Variants in AGAP1 observed in about 807,000 individuals in gnomAD.
The protein encoded by AGAP1 is arf-GAP with GTPase, ANK repeat and PH domain-containing protein 1.
AGAP1 carries 29 observed loss-of-function variants against 105.3 expected under a neutral mutation model. The observed-to-expected ratio is 0.28, with a 90% CI of 0.21 to 0.38. The LOEUF (loss-of-function observed/expected upper bound fraction) is 0.38. Ranked by LOEUF, AGAP1 falls within the 10% of genes least tolerant of loss-of-function variation. The probability of loss-of-function intolerance (pLI) is 1.00; values close to 1 mark genes in which losing one functional copy is unlikely to be tolerated. For synonymous variants in AGAP1, 509 were observed against 485.9 expected (o/e 1.05, Z -0.63); for missense variants, 998 against 1,165.1 (o/e 0.86, Z 2.09).
intron 6 of AGAP1, among the ~76,000 whole-genome samples, chr2:235,764,577 C>T (rs1357032539): frequency 6.6e-6 from 1 of 152,216 alleles, no homozygotes; most frequent in African/African-American, 2.4e-5. Flanking sequence ...AATTAAAACC[C>T]AAACATGTCT....
chr2:236,035,628 A>AG lies in AGAP1; in HGVS notation c.1646-933_1646-932insG, dbSNP rs895978770. Among the ~76,000 whole-genome samples the AG allele has an allele frequency of 6.6e-6, 1 of 152,136 alleles. No homozygotes were observed. The highest frequency in any genetic ancestry group is 2.4e-5 in the African/African-American group (1 of 41,432). On this transcript the variant is annotated intron_variant, in intron 13 of 17. Coordinates refer to ENST00000304032, the MANE Select transcript of AGAP1 (RefSeq NM_001037131.3). The surrounding 1 kb of genome is among the most constrained non-coding windows in gnomAD (Gnocchi z 4.2). Reference sequence around the variant, plus strand: ...AACAAAGTGGGACTCCATCTCAAAAACAGTTCTTCGTGGTTGTATGCAATT... The same window carrying AG: ...AACAAAGTGGGACTCCATCTCAAAAAGCAGTTCTTCGTGGTTGTATGCAATT...
intron 16 of AGAP1, among the ~76,000 whole-genome samples, chr2:236,077,679 C>T (rs779453556): frequency 1.3e-5 from 2 of 152,120 alleles, no homozygotes; most frequent in Admixed American, 6.5e-5. Flanking sequence ...ATGGTTGAGC[C>T]GTCATTACAT....
At chr2:235,803,518 G>C (rs145919191) in intron 8 of AGAP1, among the ~76,000 whole-genome samples, 28 of 152,282 alleles carry the variant, frequency 1.8e-4, no homozygotes, top group Non-Finnish European at 1.5e-5. Flanking sequence ...ATAAAAATTC[G>C]TGCAGACTGG....
rs1010022745 is a variant in AGAP1, at chr2:236,062,132, C to T, written c.2114+12851C>T. ...AGCGAGAGCAGGTGGAAGGTGGTGC[C>T]TATGTCCAGGGGAGCAAGTGAGCCT... On this transcript the variant is annotated intron_variant, in intron 16 of 17. Coordinates refer to ENST00000304032, the MANE Select transcript of AGAP1 (RefSeq NM_001037131.3). The surrounding 1 kb of genome is among the most constrained non-coding windows in gnomAD (Gnocchi z 4.2). Among the ~76,000 whole-genome samples the T allele has an allele frequency of 4.6e-5, 7 of 152,146 alleles. No individual in the cohort carries two copies. Among genetic ancestry groups the T allele is most frequent in the Non-Finnish European group, 8.8e-5 (6 of 68,018 alleles).
At chr2:235,954,068 A>G (rs13411055) in intron 12 of AGAP1, among the ~76,000 whole-genome samples, 7,381 of 152,062 alleles carry the variant, frequency 0.049, 597 homozygotes, top group African/African-American at 0.17. Flanking sequence ...TGTTTCTTCT[A>G]TTCTCTACTA....
In AGAP1 at chr2:235,959,214, T is replaced by G. The variant is rs536292165; in HGVS notation, c.1484-9248T>G. On this transcript the variant is annotated intron_variant, in intron 12 of 17. Transcript: ENST00000304032. The surrounding 1 kb of genome is among the most constrained non-coding windows in gnomAD (Gnocchi z 7.3). Reference sequence around the variant, plus strand: ...GCCCGGTAATTGATACAAAATAAAATGCATTCTTTGTATGCAGCCAGGAGG... The same window carrying G: ...GCCCGGTAATTGATACAAAATAAAAGGCATTCTTTGTATGCAGCCAGGAGG... 3.3e-4 allele frequency among the ~76,000 whole-genome samples: 50 copies of G among 152,334 alleles called. 1 individual carries two copies. Among genetic ancestry groups the G allele is most frequent in the Non-Finnish European group, 3.4e-4 (23 of 68,036 alleles).
chr2:235,647,286 A>G (rs1035538632), intron 1 of AGAP1, among the ~76,000 whole-genome samples: 9 of 113,084 alleles, frequency 8.0e-5, no homozygotes, highest in Admixed American at 1.9e-4. Flanking sequence ...CTGCCCTGCC[A>G]TTAAAGTATT....
At position 235,843,844 on chromosome 2, in the gene AGAP1, G is replaced by A. The variant is rs1961148880; in HGVS notation, c.1050+36513G>A. 6.6e-6 allele frequency among the ~76,000 whole-genome samples: 1 copy of A among 152,152 alleles called. No homozygotes were observed. Among genetic ancestry groups the A allele is most frequent in the Non-Finnish European group, 1.5e-5 (1 of 68,038 alleles). The stretch of plus-strand genomic sequence containing the variant: ...CTGCCACATTTTCTTTTCCTTTTGT[G>A]TCCACACTTGGCACAGAATCTTCTT... On this transcript the variant is annotated intron_variant, in intron 9 of 17. Coordinates refer to ENST00000304032, the MANE Select transcript of AGAP1 (RefSeq NM_001037131.3). The surrounding 1 kb of genome is among the most constrained non-coding windows in gnomAD (Gnocchi z 5.9).
intron 12 of AGAP1, among the ~76,000 whole-genome samples, chr2:235,942,373 A>G (rs1251583030): frequency 1.3e-5 from 2 of 152,108 alleles, no homozygotes; most frequent in Non-Finnish European, 2.9e-5. Context: ...CAAGGCAACA[A>G]TGTGTCATTA....
intron 3 of AGAP1, among the ~76,000 whole-genome samples, chr2:235,738,603 G>C (rs1373617336): frequency 1.3e-5 from 2 of 151,114 alleles, no homozygotes; most frequent in Non-Finnish European, 2.9e-5. Context: ...TGTCACCCAG[G>C]CTGGAGTGCA....
chr2:235,947,324 G>C (rs2053544436), intron 12 of AGAP1, among the ~76,000 whole-genome samples: 1 of 152,166 alleles, frequency 6.6e-6, no homozygotes, highest in Non-Finnish European at 1.5e-5. Context: ...AGCATACCAT[G>C]TTTGGTTTTC....
intron 16 of AGAP1, among the ~76,000 whole-genome samples, chr2:236,086,653 T>A (rs2058934940): frequency 1.3e-5 from 2 of 152,094 alleles, no homozygotes; most frequent in African/African-American, 4.8e-5. Flanking sequence ...TTTTCAACAT[T>A]CTTAGGATAA....
intron 1 of AGAP1, among the ~76,000 whole-genome samples, chr2:235,604,264 T>C (rs1360318285): frequency 6.6e-6 from 1 of 152,088 alleles, no homozygotes; most frequent in Non-Finnish European, 1.5e-5. Context: ...AAGATTGCTT[T>C]ACTCCAGGGA....
At chr2:235,878,396 C>T (rs936699438) in intron 9 of AGAP1, among the ~76,000 whole-genome samples, 2 of 152,268 alleles carry the variant, frequency 1.3e-5, no homozygotes, top group South Asian at 2.1e-4. Context: ...CCTGCAGGGT[C>T]GCTGTGTTGC....
At chr2:235,763,593 T>G (rs2696406) in intron 6 of AGAP1, among the ~76,000 whole-genome samples, 42,608 of 152,078 alleles carry the variant, frequency 0.28, 6,294 homozygotes, top group Admixed American at 0.41. Flanking sequence ...TCCACATCCT[T>G]CAGAATGTTA....
chr2:235,924,355 T>C (rs1406546636), intron 11 of AGAP1, among the ~76,000 whole-genome samples: 1 of 152,158 alleles, frequency 6.6e-6, no homozygotes, highest in African/African-American at 2.4e-5. Flanking sequence ...TTACTCTGCC[T>C]TGCGTTTGGG....
intron 9 of AGAP1, among the ~76,000 whole-genome samples, chr2:235,849,321 G>A (rs376414686): frequency 1.6e-4 from 24 of 152,318 alleles, no homozygotes; most frequent in East Asian, 1.2e-3. Context: ...ATTGGCCAAC[G>A]AGGGCCAATT....
intron 12 of AGAP1, among the ~76,000 whole-genome samples, chr2:235,943,671 C>T (rs1364482668): frequency 6.6e-6 from 1 of 151,744 alleles, no homozygotes; most frequent in Non-Finnish European, 1.5e-5. Context: ...TGGGGGGTAT[C>T]GAGAAGAAAG....
intron 1 of AGAP1, among the ~76,000 whole-genome samples, chr2:235,499,218 G>A (rs533777146): frequency 1.3e-5 from 2 of 152,344 alleles, no homozygotes; most frequent in Non-Finnish European, 2.9e-5. Context: ...TAGGCCGTGT[G>A]TGCAAAGCAT....
Sources: gnomAD v4.1 joint callset for allele counts (sites outside exome capture counted in the v4.1 genomes callset) on GRCh38, gnomAD v4.1.1 for gene constraint, Gnocchi (gnomAD v3.1) non-coding constraint, MANE v1.5 for transcripts, NCBI Gene and HGNC (gene_info 2026-07-23, HGNC 2026-07-21) for gene names.